Variants in TRERF1 observed in about 807,000 individuals in gnomAD.
The protein encoded by TRERF1 is transcriptional-regulating factor 1.
TRERF1 carries 27 observed loss-of-function variants against 122.9 expected under a neutral mutation model. The observed-to-expected ratio is 0.22, with a 90% CI of 0.16 to 0.30. The LOEUF (loss-of-function observed/expected upper bound fraction) is 0.30. Ranked by LOEUF, TRERF1 falls within the 10% of genes least tolerant of loss-of-function variation. The probability of loss-of-function intolerance (pLI) is 1.00; values close to 1 mark genes in which losing one functional copy is unlikely to be tolerated. For missense variants in TRERF1, 1,248 were observed against 1,560.3 expected (o/e 0.80, Z 3.37); for synonymous variants, 636 against 641.7 (o/e 0.99, Z 0.13).
intron 2 of TRERF1, among the ~76,000 whole-genome samples, chr6:42,420,915 T>G (rs1024311964): frequency 4.6e-5 from 7 of 152,196 alleles, no homozygotes; most frequent in Non-Finnish European, 8.8e-5. Flanking sequence ...GCCCGAACAC[T>G]TCCCGCTTTT....
intron 5 of TRERF1, among the ~76,000 whole-genome samples, chr6:42,266,609 C>G (rs1185443005): frequency 6.6e-6 from 1 of 152,188 alleles, no homozygotes; most frequent in African/African-American, 2.4e-5. Flanking sequence ...TCATCTCTGG[C>G]CTTCAACCTC....
intron 4 of TRERF1, among the ~76,000 whole-genome samples, chr6:42,279,636 G>A (rs1322397339): frequency 6.6e-6 from 1 of 152,198 alleles, no homozygotes; most frequent in African/African-American, 2.4e-5. Context: ...ACAGCCTCCG[G>A]CAGGTGGGCA....
At chr6:42,383,742 C>G (rs951730061) in intron 2 of TRERF1, among the ~76,000 whole-genome samples, 1 of 152,036 alleles carries the variant, frequency 6.6e-6, no homozygotes, top group African/African-American at 2.4e-5. Context: ...ACACAAAATA[C>G]AGAAATGGGT....
chr6:42,411,372 C>A (rs1781070604), intron 2 of TRERF1, among the ~76,000 whole-genome samples: 1 of 152,146 alleles, frequency 6.6e-6, no homozygotes, highest in African/African-American at 2.4e-5. Flanking sequence ...GAATTCAAAC[C>A]CATGTCTCCC....
In TRERF1 at chr6:42,290,324, G is replaced by A. The variant is rs184417132; in HGVS notation, c.-259+10314C>T. The stretch of plus-strand genomic sequence containing the variant: ...AAGGCAGGGAGGGAGGGAGGACGTC[G>A]CGACTTTTGCTTCCACAGTAAACTC... On this transcript the variant is annotated intron_variant, in intron 4 of 17. Coordinates refer to ENST00000372922, the Ensembl canonical transcript of TRERF1. 4.6e-5 allele frequency among the ~76,000 whole-genome samples: 7 copies of A among 152,270 alleles called. No homozygotes were observed. The East Asian group carries it at 9.6e-4, about 21-fold the overall frequency.
intron 9 of TRERF1, among the ~76,000 whole-genome samples, chr6:42,258,622 G>A (rs1322306463): frequency 6.6e-6 from 1 of 152,138 alleles, no homozygotes; most frequent in Non-Finnish European, 1.5e-5. Flanking sequence ...TCGCCCAGGC[G>A]GGAGTGCTGT....
chr6:42,250,987 T>G (rs767532895), intron 13 of TRERF1, among the ~76,000 whole-genome samples: 4 of 144,224 alleles, frequency 2.8e-5, no homozygotes, highest in African/African-American at 1.0e-4. Flanking sequence ...TCTTTTCTTT[T>G]GCTTCTTTTT....
chr6:42,444,931 A>G (rs1787199597), intron 2 of TRERF1, among the ~76,000 whole-genome samples: 1 of 151,612 alleles, frequency 6.6e-6, no homozygotes, highest in African/African-American at 2.4e-5. Flanking sequence ...CCAACCCTTC[A>G]CTCCACTGAA....
intron 3 of TRERF1, among the ~76,000 whole-genome samples, chr6:42,312,284 A>C (rs1224273901): frequency 6.6e-6 from 1 of 152,178 alleles, no homozygotes; most frequent in Non-Finnish European, 1.5e-5. Context: ...TGGGCAGCAG[A>C]TAGATGAGCC....
chr6:42,285,804 T>C (rs1285144176), intron 4 of TRERF1, among the ~76,000 whole-genome samples: 3 of 151,902 alleles, frequency 2.0e-5, no homozygotes, highest in African/African-American at 7.3e-5. Flanking sequence ...TTAAAGTTCA[T>C]ATGGAACCAA....
At chr6:42,363,952 G>A (rs1283075989) in intron 2 of TRERF1, among the ~76,000 whole-genome samples, 1 of 152,152 alleles carries the variant, frequency 6.6e-6, no homozygotes. Context: ...AGCAGCCCAA[G>A]CTAACAAATA....
Position 42,269,159 on chromosome 6 carries a change from G to A in TRERF1, c.432C>T (p.Asp144=). Reference sequence around the variant, plus strand: ...GGTTGGCAAACACCTGGGTGAAAGAGTCCAGCTTGTGTAAGACACCGCTGG... The same window carrying A: ...GGTTGGCAAACACCTGGGTGAAAGAATCCAGCTTGTGTAAGACACCGCTGG... Residue 144 remains aspartate (D), a synonymous_variant, in exon 5 of 18, where the codon GAC becomes GAT. Coordinates refer to ENST00000372922, the Ensembl canonical transcript of TRERF1. This position sits in a 1 kb window ranked among gnomAD's most constrained non-coding sequence, Gnocchi z 4.9. The A allele has an allele frequency of 6.2e-7, 1 of 1,614,232 alleles. No homozygotes were observed. The highest frequency in any genetic ancestry group is 8.5e-7 in the Non-Finnish European group (1 of 1,180,044).
intron 2 of TRERF1, among the ~76,000 whole-genome samples, chr6:42,441,773 T>C (rs1786568242): frequency 6.6e-6 from 1 of 152,114 alleles, no homozygotes; most frequent in Non-Finnish European, 1.5e-5. Context: ...AAATGAGTGA[T>C]GACCCAGTTC....
At chr6:42,449,442 G>T (rs1158202766) in intron 2 of TRERF1, among the ~76,000 whole-genome samples, 2 of 147,152 alleles carry the variant, frequency 1.4e-5, no homozygotes, top group African/African-American at 5.1e-5. Flanking sequence ...CTTTATTACC[G>T]CAAGAACATT....
chr6:42,295,193 G>T (rs1475941405), intron 4 of TRERF1, among the ~76,000 whole-genome samples: 1 of 152,104 alleles, frequency 6.6e-6, no homozygotes, highest in East Asian at 1.9e-4. Flanking sequence ...AAATATTTGA[G>T]CAATGCCTGG....
At chr6:42,238,221 A>T (rs1469394921) in intron 15 of TRERF1, among the ~76,000 whole-genome samples, 2 of 152,230 alleles carry the variant, frequency 1.3e-5, no homozygotes, top group Non-Finnish European at 2.9e-5. Context: ...AAATAATTAC[A>T]CACAACAGAT....
intron 2 of TRERF1, among the ~76,000 whole-genome samples, chr6:42,436,807 AAAAAAAAATATATATATATATATAT>A (rs1162476815): frequency 8.7e-6 from 1 of 114,752 alleles, no homozygotes; most frequent in Non-Finnish European, 1.8e-5. Context: ...CTACAAAAAA[AAAAAAAAATATATATATATATATAT>A]ATATATATAT....
At chr6:42,418,218 CTT>C (rs34388801) in intron 2 of TRERF1, among the ~76,000 whole-genome samples, 30 of 34,666 alleles carry the variant, frequency 8.7e-4, no homozygotes, top group South Asian at 2.7e-3. Flanking sequence ...TTTTTCTTTC[CTT>C]TTTTTTTTTT....
intron 16 of TRERF1, among the ~76,000 whole-genome samples, chr6:42,235,327 G>T (rs1771872130): frequency 6.6e-6 from 1 of 152,022 alleles, no homozygotes; most frequent in Non-Finnish European, 1.5e-5. Context: ...TCTAGAACTT[G>T]CCTATACAGG....
Sources: allele counts gnomAD v4.1 joint callset (sites outside exome capture counted in the v4.1 genomes callset), GRCh38; gene constraint gnomAD v4.1.1; non-coding constraint Gnocchi (gnomAD v3.1); transcripts MANE v1.5; gene names NCBI Gene and HGNC (gene_info 2026-07-23, HGNC 2026-07-21).